The following IPO5 variants were observed in gnomAD, a reference collection of about 807,000 sequenced individuals.
IPO5 encodes importin 5.
IPO5 carries 18 observed loss-of-function variants against 143.3 expected under a neutral mutation model. The observed-to-expected ratio is 0.13, with a 90% CI of 0.09 to 0.19. IPO5 has a LOEUF of 0.19. Among genes scored for constraint, IPO5 ranks in the 10% least tolerant of loss-of-function variants. The pLI is 1.00. For synonymous variants in IPO5, 477 were observed against 465.7 expected (o/e 1.02, Z -0.31); for missense variants, 1,013 against 1,336.9 (o/e 0.76, Z 3.78).
intron 2 of IPO5, among the ~76,000 whole-genome samples, chr13:97,969,346 T>A (rs1228368305): frequency 6.6e-6 from 1 of 151,404 alleles, no homozygotes; most frequent in Non-Finnish European, 1.5e-5. Flanking sequence ...CACGCCCAGC[T>A]AATTTTTTTG....
At chr13:97,989,717 G>A (rs1469374810) in intron 7 of IPO5, among the ~76,000 whole-genome samples, 1 of 152,088 alleles carries the variant, frequency 6.6e-6, no homozygotes. Flanking sequence ...GTATCATTTT[G>A]TACTTTAGTT....
chr13:97,990,510 T>C lies in IPO5; in HGVS notation c.642T>C (p.Phe214=), dbSNP rs1887718947. Residue 214 remains phenylalanine (F), a synonymous_variant, in exon 9 of 29, where the codon TTT becomes TTC. Transcript: ENST00000651721. ...NEHNVALFKH[F]ADLLPGFLQA... is the part of the protein sequence containing the mutation. ...ATAATGTTGCTCTGTTCAAACATTT[T>C]GCAGACTTGCTACCGGGATTCCTAC... 6.3e-7 allele frequency: 1 copy of C among 1,598,042 alleles called. No homozygotes were observed. The highest frequency in any genetic ancestry group is 1.8e-5 in the Admixed American group (1 of 55,882).
At chr13:98,018,787 A>G in intron 26 of IPO5, 83 bp downstream of exon 26, 1 of 964,350 alleles carries the variant, frequency 1.0e-6, no homozygotes, top group South Asian at 1.5e-5. Context: ...ACACTCCCAA[A>G]CATTATTTGC....
chr13:98,005,936 AT>A (rs1337501917), intron 16 of IPO5, among the ~76,000 whole-genome samples, 193 bp from the exon 17 acceptor site: 1 of 152,166 alleles, frequency 6.6e-6, no homozygotes, highest in South Asian at 2.1e-4. Flanking sequence ...GAAAAAAAAA[AT>A]CTCACATAAA....
chr13:98,007,933 G>A, intron 17 of IPO5, 126 bp from the exon 18 acceptor site: 1 of 599,060 alleles, frequency 1.7e-6, no homozygotes, highest in South Asian at 2.1e-5. Context: ...TTTTCAATAT[G>A]ATAGTTTATC....
chr13:97,990,158 A>C lies in IPO5; in HGVS notation c.500A>C (p.Gln167Pro). ...CCTGGAATTTTTGGGAACCAGCAAC[A>C]ACACTATTTAGATGTCATCAAACGA... ...NFPGIFGNQQ[Q>P]HYLDVIKRML... is the part of the protein sequence containing the mutation. The change falls in exon 8 of 29, where the codon CAA (glutamine) becomes CCA (proline). Residue 167 changes from glutamine (Q) to proline (P), a missense_variant. Gln to Pro is a moderately conservative substitution (Grantham distance 76, BLOSUM62 -1). Transcript: ENST00000651721. 6.2e-7 allele frequency: 1 copy of C among 1,613,212 alleles called. No individual in the cohort carries two copies. Among genetic ancestry groups the C allele is most frequent in the Non-Finnish European group, 8.5e-7 (1 of 1,179,372 alleles).
chr13:97,995,936 A>T (rs1467558245), intron 11 of IPO5, among the ~76,000 whole-genome samples: 2 of 152,228 alleles, frequency 1.3e-5, no homozygotes, highest in African/African-American at 4.8e-5. Flanking sequence ...ACATTGCCAA[A>T]TTGGCAAATG....
At chr13:97,971,326 T>C (rs777753332) in intron 3 of IPO5, among the ~76,000 whole-genome samples, 1 of 152,254 alleles carries the variant, frequency 6.6e-6, no homozygotes, top group Non-Finnish European at 1.5e-5. Context: ...TGAGGTGCAC[T>C]GACTGTATGT....
At chr13:97,985,361 A>G (rs758048100) in intron 5 of IPO5, 60 bp from the exon 6 acceptor site, 34 of 1,329,182 alleles carry the variant, frequency 2.6e-5, no homozygotes, top group Non-Finnish European at 3.4e-5. Context: ...TAAAAATACA[A>G]CAGTGAAATA....
At position 98,022,465 on chromosome 13, in the gene IPO5, AAAC is replaced by A. The variant is rs1890555659; in HGVS notation, c.*648_*650del. The A allele has an allele frequency of 1.3e-5, 2 of 152,654 alleles. No homozygotes were observed. The highest frequency in any genetic ancestry group is 4.8e-5 in the African/African-American group (2 of 41,456). 9.5% of individuals were successfully genotyped at this position (152,654 alleles called of 1,614,324 possible). A position where few individuals can be genotyped will look rare whatever the true frequency, so the allele number is the denominator to read the frequency against. On this transcript the variant is annotated 3_prime_UTR_variant, in exon 29 of 29. Coordinates refer to ENST00000651721, the MANE Select transcript of IPO5 (RefSeq NM_002271.6). ...AGTAGTCTCTCATTCACTCCTCAAT[AAAC>A]AACATTGAATACAAAAGAGGCTTGT... is the stretch of plus-strand genomic sequence containing the variant.
At chr13:97,982,642 T>C in intron 5 of IPO5, 59 bp downstream of exon 5, 1 of 1,072,430 alleles carries the variant, frequency 9.3e-7, no homozygotes, top group South Asian at 1.3e-5. Context: ...TAGATGATGA[T>C]CATAGTAGAA....
chr13:98,019,783 C>A lies in IPO5; in HGVS notation c.3039C>A (p.Phe1013Leu). The change falls in exon 27 of 29, where the codon TTC (phenylalanine) becomes TTA (leucine). Residue 1013 changes from phenylalanine (F) to leucine (L), a missense_variant. By Grantham distance (22) the Phe-to-Leu change is conservative (BLOSUM62 0). Around this residue, in one of 2 missense-constraint regions of IPO5, gnomAD observed 685 missense variants for 994.9 expected, o/e 0.69. Transcript: ENST00000651721. The stretch of plus-strand genomic sequence containing the variant: ...ATAAAGAAGAAGCTGTTCAGACTTT[C>A]AATTATCTGTGTGACCTGATTGAAA... ...HEDKEEAVQT[F>L]NYLCDLIESN... 6.2e-7 allele frequency: 1 copy of A among 1,612,868 alleles called. No individual in the cohort carries two copies. The highest frequency in any genetic ancestry group is 8.5e-7 in the Non-Finnish European group (1 of 1,178,892).
At chr13:98,019,024 C>G (rs141751945) in intron 26 of IPO5, among the ~76,000 whole-genome samples, 1 of 151,674 alleles carries the variant, frequency 6.6e-6, no homozygotes, top group African/African-American at 2.4e-5. Context: ...GGCATGATCT[C>G]GGCTCACTGC....
intron 2 of IPO5, among the ~76,000 whole-genome samples, chr13:97,966,151 A>G (rs1425179859): frequency 6.6e-6 from 1 of 151,870 alleles, no homozygotes; most frequent in African/African-American, 2.4e-5. Flanking sequence ...AAAAAAAAAA[A>G]AAAATAGAAC....
chr13:98,009,179 A>G (rs1889502094), intron 18 of IPO5, among the ~76,000 whole-genome samples: 1 of 152,182 alleles, frequency 6.6e-6, no homozygotes, highest in Non-Finnish European at 1.5e-5. Flanking sequence ...GAGCGGGTGG[A>G]CTTTTACATA....
intron 16 of IPO5, among the ~76,000 whole-genome samples, chr13:98,003,337 A>C (rs1351434607): frequency 6.6e-6 from 1 of 152,216 alleles, no homozygotes; most frequent in African/African-American, 2.4e-5. Context: ...AAAGTGTGAA[A>C]AACCATTCTG....
At chr13:97,983,277 A>G (rs1566488220) in intron 5 of IPO5, among the ~76,000 whole-genome samples, 1 of 151,882 alleles carries the variant, frequency 6.6e-6, no homozygotes, top group Non-Finnish European at 1.5e-5. Flanking sequence ...TTTTGAAAAA[A>G]TATTTTTTTC....
chr13:97,966,368 A>G (rs1432756117), intron 2 of IPO5, among the ~76,000 whole-genome samples: 1 of 152,154 alleles, frequency 6.6e-6, no homozygotes, highest in Non-Finnish European at 1.5e-5. Flanking sequence ...TGAAAAGCTT[A>G]TCCTGCATCA....
chr13:97,960,011 T>G (rs1025085138), intron 2 of IPO5, among the ~76,000 whole-genome samples: 1 of 152,118 alleles, frequency 6.6e-6, no homozygotes, highest in African/African-American at 2.4e-5. Context: ...ATTAAACAAA[T>G]ACTACTGCAG....
Sources: gnomAD v4.1 joint callset for allele counts (sites outside exome capture counted in the v4.1 genomes callset) on GRCh38, gnomAD v4.1.1 for gene constraint, gnomAD v4.1.1 regional missense constraint, MANE v1.5 for transcripts, NCBI Gene and HGNC (gene_info 2026-07-23, HGNC 2026-07-21) for gene names.